Variants in KCNH7 observed in about 807,000 individuals in gnomAD.
The protein encoded by KCNH7 is voltage-gated inwardly rectifying potassium channel KCNH7.
KCNH7 carries 49 observed loss-of-function variants against 120.8 expected under a neutral mutation model. The ratio of observed to expected loss-of-function variants is 0.41; its 90% CI spans 0.32 to 0.51. The LOEUF (loss-of-function observed/expected upper bound fraction) is 0.51. Among genes scored for constraint, KCNH7 ranks in the 20% least tolerant of loss-of-function variants. KCNH7 has a pLI of 0.38. For missense variants in KCNH7, 1,097 were observed against 1,446.6 expected, an observed-to-expected ratio of 0.76 and a Z score of 3.92; for synonymous variants, 547 against 516.1, an observed-to-expected ratio of 1.06 and a Z score of -0.81.
At chr2:162,827,417 A>C (rs1335214017) in intron 2 of KCNH7, among the ~76,000 whole-genome samples, 1 of 152,122 alleles carries the variant, frequency 6.6e-6, no homozygotes, top group Admixed American at 6.6e-5. Context: ...GTCATACAAT[A>C]TATAGTCCAA....
intron 2 of KCNH7, among the ~76,000 whole-genome samples, chr2:162,566,483 A>T (rs919623789): frequency 5.3e-5 from 8 of 152,070 alleles, no homozygotes; most frequent in African/African-American, 1.9e-4. Context: ...TACCTGCTTA[A>T]ATCAAGTGAG....
At chr2:162,473,215 T>C (rs947954888) in intron 6 of KCNH7, among the ~76,000 whole-genome samples, 1 of 151,430 alleles carries the variant, frequency 6.6e-6, no homozygotes, top group African/African-American at 2.4e-5. Flanking sequence ...GAACTTAAAG[T>C]ATAATTTAAA....
chr2:162,552,932 G>A (rs777203911), intron 2 of KCNH7, among the ~76,000 whole-genome samples: 2 of 152,160 alleles, frequency 1.3e-5, no homozygotes, highest in African/African-American at 4.8e-5. Flanking sequence ...GTAACACCCT[G>A]AGAGGAAAAC....
In KCNH7 at chr2:162,629,153, G is replaced by A. The variant is rs117795569; in HGVS notation, c.308-92073C>T. Reference sequence around the variant, plus strand: ...CGCTGACTTTCTTACCTCACTAGTGGGCTGCTGAATAAGGGAAATACCCTC... The same window carrying A: ...CGCTGACTTTCTTACCTCACTAGTGAGCTGCTGAATAAGGGAAATACCCTC... On this transcript the variant is annotated intron_variant, in intron 2 of 15. Transcript: ENST00000332142. Among the ~76,000 whole-genome samples, 21 of 152,164 alleles carry A rather than the reference G, an allele frequency of 1.4e-4. No individual in the cohort carries two copies. In the East Asian group the frequency reaches 4.1e-3, roughly 30 times the overall value.
chr2:162,766,960 T>C (rs1682840954), intron 2 of KCNH7, among the ~76,000 whole-genome samples: 1 of 142,362 alleles, frequency 7.0e-6, no homozygotes, highest in Non-Finnish European at 1.5e-5. Flanking sequence ...TGTACATTGT[T>C]CTTTTCTGGC....
chr2:162,734,606 T>A (rs1391193642), intron 2 of KCNH7, among the ~76,000 whole-genome samples: 1 of 152,150 alleles, frequency 6.6e-6, no homozygotes, highest in African/African-American at 2.4e-5. Flanking sequence ...GTGGCACTCC[T>A]TGCCTTAGGT....
intron 3 of KCNH7, among the ~76,000 whole-genome samples, chr2:162,534,902 A>G (rs868416165): frequency 6.6e-6 from 1 of 151,770 alleles, no homozygotes; most frequent in African/African-American, 2.4e-5. Context: ...AAAATGAAAC[A>G]TATCATGTCC....
chr2:162,591,405 A>T (rs1694213356), intron 2 of KCNH7, among the ~76,000 whole-genome samples: 1 of 152,102 alleles, frequency 6.6e-6, no homozygotes, highest in African/African-American at 2.4e-5. Flanking sequence ...AAAAAAAACA[A>T]GCTAGAGTCA....
intron 2 of KCNH7, among the ~76,000 whole-genome samples, chr2:162,606,202 A>AT (rs1253943922): frequency 6.6e-6 from 1 of 151,860 alleles, no homozygotes; most frequent in East Asian, 1.9e-4. Flanking sequence ...TGGCCCATGA[A>AT]TTTTTTTTCC....
intron 9 of KCNH7, among the ~76,000 whole-genome samples, chr2:162,420,036 T>C (rs987007738): frequency 6.6e-6 from 1 of 152,150 alleles, no homozygotes; most frequent in Non-Finnish European, 1.5e-5. Context: ...CTTCTGCACA[T>C]CTTTCAAATA....
chr2:162,815,117 C>A (rs538140627), intron 2 of KCNH7, among the ~76,000 whole-genome samples: 1 of 152,072 alleles, frequency 6.6e-6, no homozygotes, highest in Non-Finnish European at 1.5e-5. Context: ...AAATAAGTAA[C>A]CTCTTCAAAT....
At chr2:162,574,994 G>A (rs1693621830) in intron 2 of KCNH7, among the ~76,000 whole-genome samples, 1 of 152,088 alleles carries the variant, frequency 6.6e-6, no homozygotes, top group Non-Finnish European at 1.5e-5. Flanking sequence ...TCAAATGCTA[G>A]TGGAAGTGTT....
intron 2 of KCNH7, among the ~76,000 whole-genome samples, chr2:162,589,512 A>AT (rs1694132385): frequency 6.6e-6 from 1 of 151,002 alleles, no homozygotes; most frequent in African/African-American, 2.5e-5. Context: ...GAAATTGAAT[A>AT]ATTTTTTAAC....
intron 3 of KCNH7, among the ~76,000 whole-genome samples, chr2:162,529,059 G>C (rs1319172496): frequency 1.3e-5 from 2 of 151,992 alleles, no homozygotes; most frequent in African/African-American, 2.4e-5. Context: ...GCAGTTCTTA[G>C]CTTGAAATGC....
Position 162,781,321 on chromosome 2 carries a change from T to TA in KCNH7, c.307+55215dup, listed in dbSNP as rs984673467. ...GTTTAACAGATGAAACTAAGAGAAA[T>TA]AAAAAAAAATTCACAATGTCAGGCT... is the stretch of plus-strand genomic sequence containing the variant. On this transcript the variant is annotated intron_variant, in intron 2 of 15. Coordinates refer to ENST00000332142, the MANE Select transcript of KCNH7 (RefSeq NM_033272.4). Among the ~76,000 whole-genome samples the TA allele has an allele frequency of 1.4e-3, 218 of 151,264 alleles. 1 individual carries two copies. Among genetic ancestry groups the TA allele is most frequent in the Non-Finnish European group, 2.5e-3 (170 of 67,680 alleles).
chr2:162,418,658 C>T (rs1054051444), intron 9 of KCNH7, among the ~76,000 whole-genome samples: 1 of 152,044 alleles, frequency 6.6e-6, no homozygotes, highest in Non-Finnish European at 1.5e-5. Flanking sequence ...AACAAAGTTT[C>T]TGATGGAGTA....
chr2:162,766,324 A>T (rs1265512503), intron 2 of KCNH7, among the ~76,000 whole-genome samples: 1 of 152,200 alleles, frequency 6.6e-6, no homozygotes, highest in East Asian at 1.9e-4. Context: ...GTTAAGCAAA[A>T]GCAAACAAAA....
At chr2:162,465,762 A>T (rs1192350065) in intron 6 of KCNH7, among the ~76,000 whole-genome samples, 2 of 152,156 alleles carry the variant, frequency 1.3e-5, no homozygotes, top group Non-Finnish European at 2.9e-5. Flanking sequence ...GTAAAGGTGC[A>T]TCCTGTTGTG....
intron 2 of KCNH7, among the ~76,000 whole-genome samples, chr2:162,735,091 G>T (rs1481176982): frequency 6.6e-6 from 1 of 152,156 alleles, no homozygotes; most frequent in Non-Finnish European, 1.5e-5. Context: ...GCTATGATCT[G>T]TCTAGACATG....
Sources: allele counts gnomAD v4.1 joint callset (sites outside exome capture counted in the v4.1 genomes callset), GRCh38; gene constraint gnomAD v4.1.1; transcripts MANE v1.5; gene names NCBI Gene and HGNC (gene_info 2026-07-23, HGNC 2026-07-21).